AGBL4: variants seen among roughly 807,000 people sequenced by gnomAD.
AGBL4 encodes cytosolic carboxypeptidase 6.
AGBL4 carries 58 observed loss-of-function variants against 66.4 expected under a neutral mutation model. That is an observed-to-expected ratio of 0.87 (90% CI 0.71 to 1.09). The LOEUF is 1.09. AGBL4 is among the 50% of genes least tolerant of loss of function. The pLI, the probability that AGBL4 is intolerant of heterozygous loss-of-function variation, is 0.00. For missense variants in AGBL4, 579 were observed against 631.0 expected (o/e 0.92, Z 0.88); for synonymous variants, 234 against 222.9 (o/e 1.05, Z -0.44).
chr1:48,729,648 C>A (rs981591967), intron 6 of AGBL4, among the ~76,000 whole-genome samples: 3 of 152,114 alleles, frequency 2.0e-5, no homozygotes, highest in Admixed American at 2.0e-4. Flanking sequence ...GAATCCACTG[C>A]TACCTGCCCA....
chr1:48,913,341 C>T (rs1038001447), intron 5 of AGBL4, among the ~76,000 whole-genome samples: 1 of 152,138 alleles, frequency 6.6e-6, no homozygotes, highest in Non-Finnish European at 1.5e-5. Context: ...TCATAGATAG[C>T]TTAAGGCAGA....
At chr1:49,782,776 T>A (rs1644366600) in intron 2 of AGBL4, among the ~76,000 whole-genome samples, 1 of 152,166 alleles carries the variant, frequency 6.6e-6, no homozygotes, top group South Asian at 2.1e-4. Flanking sequence ...TTCTTTTTTG[T>A]CTCCTTGTTC....
chr1:48,574,239 C>T lies in AGBL4; in HGVS notation c.1267+12765G>A, dbSNP rs1282219579. Among the ~76,000 whole-genome samples the T allele has an allele frequency of 1.2e-4, 18 of 152,330 alleles. No individual in the cohort carries two copies. In the East Asian group the frequency reaches 3.5e-3, roughly 29 times the overall value. ...GCACTGTTCCACCTGGACAGGCTTC[C>T]TCTTAATCCAATTCTGAGTTTCTGT... is the stretch of plus-strand genomic sequence containing the variant. On this transcript the variant is annotated intron_variant, in intron 11 of 13. Transcript: ENST00000371839.
chr1:48,660,333 G>C (rs1376704789), intron 7 of AGBL4, among the ~76,000 whole-genome samples: 1 of 152,226 alleles, frequency 6.6e-6, no homozygotes, highest in African/African-American at 2.4e-5. Context: ...AGCCAGATGG[G>C]CACAACCGGC....
rs866224455 is a variant in AGBL4, at chr1:49,924,311, G to A, written c.35-72793C>T. Among the ~76,000 whole-genome samples, 14 of 152,186 alleles carry A rather than the reference G, an allele frequency of 9.2e-5. No homozygotes were observed. In the South Asian group the frequency reaches 1.2e-3, roughly 14 times the overall value. On this transcript the variant is annotated intron_variant, in intron 1 of 13. Coordinates refer to ENST00000371839, the MANE Select transcript of AGBL4 (RefSeq NM_032785.4). ...CTGGAGGATGGAGAGTGGGAGGAGGGAGAGGATCAGGAAAAATAACTAACG... is the reference window on the plus strand; with the variant it reads ...CTGGAGGATGGAGAGTGGGAGGAGGAAGAGGATCAGGAAAAATAACTAACG...
rs1219619998 is a variant in AGBL4, at chr1:49,790,363, C to T, written c.157+61033G>A. Among the ~76,000 whole-genome samples the T allele has an allele frequency of 7.1e-5, 7 of 99,012 alleles. No homozygotes were observed. In the Admixed American group the frequency reaches 7.3e-4, roughly 10 times the overall value. 65.0% of individuals were successfully genotyped at this position (99,012 alleles called of 152,430 possible). On this transcript the variant is annotated intron_variant, in intron 2 of 13. Transcript: ENST00000371839. ...TGGGTGACAGAGTGAGATTCTATCT[C>T]AAAAAAAAAAAAAAAAAAAGAAGCT...
At chr1:49,948,094 ATATG>A (rs1397269718) in intron 1 of AGBL4, among the ~76,000 whole-genome samples, 25 of 86,474 alleles carry the variant, frequency 2.9e-4, no homozygotes, top group Non-Finnish European at 4.1e-4. Flanking sequence ...AAATATATGT[ATATG>A]TATATATATG....
chr1:49,529,911 A>T (rs1650959564), intron 3 of AGBL4, among the ~76,000 whole-genome samples: 1 of 151,876 alleles, frequency 6.6e-6, no homozygotes, highest in South Asian at 2.1e-4. Context: ...GAGCGGGGGT[A>T]AGAGAAGAAA....
At chr1:49,525,400 G>A (rs1316073552) in intron 3 of AGBL4, among the ~76,000 whole-genome samples, 1 of 152,044 alleles carries the variant, frequency 6.6e-6, no homozygotes, top group African/African-American at 2.4e-5. Flanking sequence ...TGAGAATAGA[G>A]GTAGGGGGAG....
chr1:49,507,358 G>T (rs989999920), intron 3 of AGBL4, among the ~76,000 whole-genome samples: 29 of 152,038 alleles, frequency 1.9e-4, no homozygotes, highest in African/African-American at 7.0e-4. Context: ...GAACGGTCCA[G>T]CTGAACCTAG....
rs548241405 is a variant in AGBL4 at position 48,570,110 on chromosome 1, T to C, written c.1267+16894A>G. Among the ~76,000 whole-genome samples, 4 of 152,350 alleles carry C rather than the reference T, an allele frequency of 2.6e-5. No homozygotes were observed. The South Asian group carries it at 8.3e-4, about 32-fold the overall frequency. On this transcript the variant is annotated intron_variant, in intron 11 of 13. Coordinates refer to ENST00000371839, the MANE Select transcript of AGBL4 (RefSeq NM_032785.4). ...AAGTTTGACATTTTGAAGATGAAAG[T>C]TCTTTGAATTAGTCATGCACATGTG...
chr1:50,023,898 G>C lies in AGBL4; in HGVS notation c.-102C>G, dbSNP rs545027669. 6 of 1,338,882 alleles carry C rather than the reference G, an allele frequency of 4.5e-6. No individual in the cohort carries two copies. In the African/African-American group the frequency reaches 6.1e-5, roughly 14 times the overall value. 82.9% of individuals were successfully genotyped at this position (1,338,882 alleles called of 1,614,324 possible). ...GACAGGAGCTACCTCAGGAAGACGC[G>C]GCACGACGGTTGCCTGGGCAACGGG... On this transcript the variant is annotated 5_prime_UTR_variant, in exon 1 of 14. Transcript: ENST00000371839.
intron 4 of AGBL4, among the ~76,000 whole-genome samples, chr1:49,062,959 C>T (rs1227254393): frequency 6.6e-6 from 1 of 152,160 alleles, no homozygotes; most frequent in Non-Finnish European, 1.5e-5. Flanking sequence ...ATCTTAGAAG[C>T]TCTGAATTCA....
chr1:49,642,335 A>G (rs1053082423), intron 3 of AGBL4, among the ~76,000 whole-genome samples: 1 of 151,976 alleles, frequency 6.6e-6, no homozygotes, highest in African/African-American at 2.4e-5. Context: ...GAAACAAATC[A>G]TTTGAGCCCT....
intron 6 of AGBL4, among the ~76,000 whole-genome samples, chr1:48,730,641 C>T (rs577873172): frequency 6.6e-6 from 1 of 152,192 alleles, no homozygotes; most frequent in South Asian, 2.1e-4. Context: ...ATTCTCATTT[C>T]CTGTGGGTAA....
At chr1:48,739,202 G>A (rs1460383105) in intron 6 of AGBL4, among the ~76,000 whole-genome samples, 4 of 152,202 alleles carry the variant, frequency 2.6e-5, no homozygotes, top group African/African-American at 9.6e-5. Flanking sequence ...AACAGCCACC[G>A]ACTGGCCTTT....
intron 1 of AGBL4, among the ~76,000 whole-genome samples, chr1:49,928,529 G>A (rs778951790): frequency 4.6e-5 from 7 of 152,136 alleles, no homozygotes; most frequent in Non-Finnish European, 7.3e-5. Context: ...GATTACAGGC[G>A]TGAGCCACCG....
intron 3 of AGBL4, among the ~76,000 whole-genome samples, chr1:49,590,265 T>C (rs1644726885): frequency 6.6e-6 from 1 of 151,936 alleles, no homozygotes; most frequent in African/African-American, 2.4e-5. Context: ...TTGAATATAA[T>C]TATTTAAAAT....
intron 3 of AGBL4, among the ~76,000 whole-genome samples, chr1:49,619,537 A>T (rs1345745587): frequency 6.6e-6 from 1 of 152,188 alleles, no homozygotes; most frequent in Admixed American, 6.5e-5. Context: ...GAAAATGGCC[A>T]TAGTGCCCAA....
Sources: allele counts gnomAD v4.1 joint callset (sites outside exome capture counted in the v4.1 genomes callset), GRCh38; gene constraint gnomAD v4.1.1; transcripts MANE v1.5; gene names NCBI Gene and HGNC (gene_info 2026-07-23, HGNC 2026-07-21).